Variants in ANKRD28 observed in about 807,000 individuals in gnomAD.
The protein encoded by ANKRD28 is serine/threonine-protein phosphatase 6 regulatory ankyrin repeat subunit A.
Under a neutral mutation model 126.5 loss-of-function variants are expected in ANKRD28, and 44 were observed. The ratio of observed to expected loss-of-function variants is 0.35; its 90% CI spans 0.27 to 0.45. The LOEUF is 0.45. Ranked by LOEUF, ANKRD28 falls within the 20% of genes least tolerant of loss-of-function variation. ANKRD28 has a pLI of 1.00. For missense variants in ANKRD28, 1,110 were observed against 1,316.6 expected (o/e 0.84, Z 2.43); for synonymous variants, 442 against 468.5 (o/e 0.94, Z 0.73).
intron 3 of ANKRD28, among the ~76,000 whole-genome samples, chr3:15,755,144 T>A (rs2058085797): frequency 6.6e-6 from 1 of 151,562 alleles, no homozygotes; most frequent in African/African-American, 2.4e-5. Context: ...AGAAAAAAAA[T>A]AATAAAAAAT....
intron 14 of ANKRD28, among the ~76,000 whole-genome samples, chr3:15,698,511 C>G (rs1482934827): frequency 2.6e-5 from 4 of 152,198 alleles, no homozygotes; most frequent in Non-Finnish European, 5.9e-5. Context: ...AGCTCAAAAT[C>G]TCCTTAAGCT....
chr3:15,742,785 G>A (rs1321193688), intron 4 of ANKRD28, among the ~76,000 whole-genome samples: 5 of 121,118 alleles, frequency 4.1e-5, no homozygotes, highest in East Asian at 5.6e-4. Flanking sequence ...CCAGCCACCC[G>A]GTCCGGGAGG....
At chr3:15,679,240 G>T in intron 23 of ANKRD28, 61 bp downstream of exon 23, 2 of 1,493,660 alleles carry the variant, frequency 1.3e-6, no homozygotes, top group Non-Finnish European at 1.9e-6. Context: ...AGATTGTTAG[G>T]ATTATAGGCA....
chr3:15,812,805 G>A lies in ANKRD28; in HGVS notation c.28-17499C>T, dbSNP rs538170846. Among the ~76,000 whole-genome samples the A allele has an allele frequency of 4.2e-4, 64 of 152,180 alleles. No individual in the cohort carries two copies. In the South Asian group the frequency reaches 0.013, roughly 32 times the overall value. On this transcript the variant is annotated intron_variant, in intron 1 of 27. Transcript: ENST00000399451. This position sits in a 1 kb window ranked among gnomAD's most constrained non-coding sequence, Gnocchi z 4.1. ...AGTCATTCTATGTACTTTTTTAAAA[G>A]GTGATCATGGGTAGGTAATCTAGAC...
chr3:15,721,196 A>T, intron 7 of ANKRD28, 69 bp from the exon 8 acceptor site: 2 of 1,358,248 alleles, frequency 1.5e-6, no homozygotes, highest in Non-Finnish European at 2.1e-6. Flanking sequence ...GAGCTATTTT[A>T]GCAACCTGTG....
chr3:15,842,737 A>C (rs116763467), intron 1 of ANKRD28, among the ~76,000 whole-genome samples: 15 of 152,268 alleles, frequency 9.9e-5, no homozygotes, highest in African/African-American at 3.4e-4. Context: ...AAAGCTAAAA[A>C]CAAAAATTTT....
upstream of ANKRD28, among the ~76,000 whole-genome samples, chr3:15,802,329 C>T (rs140253402): frequency 2.6e-5 from 4 of 152,230 alleles, no homozygotes; most frequent in African/African-American, 9.6e-5. Flanking sequence ...GAGGACTTTG[C>T]CAAACAGAAC....
At chr3:15,714,696 C>T in intron 8 of ANKRD28, 40 bp from the exon 9 acceptor site, 2 of 1,430,902 alleles carry the variant, frequency 1.4e-6, no homozygotes, top group East Asian at 4.7e-5. Context: ...CTACTATATC[C>T]ATAATGTGTA....
In ANKRD28 at chr3:15,724,470, T is replaced by C; in HGVS notation, c.695A>G (p.Lys232Arg). The C allele has an allele frequency of 6.3e-7, 1 of 1,596,194 alleles. No individual in the cohort carries two copies. Among genetic ancestry groups the C allele is most frequent in the Admixed American group, 1.7e-5 (1 of 57,500 alleles). ...LVSHGAEVTCKDKKSYTPLHA... is the reference protein window; with the variant it reads ...LVSHGAEVTCRDKKSYTPLHA... ...AAGAGGTGTATAAGACTTTTTATCC[T>C]TGCATGTCACTTCAGCTCCATGCGA... Residue 232 changes from lysine (K) to arginine (R), a missense_variant, in exon 7 of 28, where the codon AAG becomes AGG. Transcript: ENST00000683139.
intron 1 of ANKRD28, among the ~76,000 whole-genome samples, chr3:15,841,860 C>G (rs930719691): frequency 5.3e-5 from 8 of 152,050 alleles, no homozygotes; most frequent in Non-Finnish European, 1.2e-4. Context: ...CTAGGGAGAA[C>G]AGTTTGGAGG....
intron 13 of ANKRD28, among the ~76,000 whole-genome samples, chr3:15,709,370 T>C (rs928758510): frequency 6.6e-6 from 1 of 152,120 alleles, no homozygotes; most frequent in Non-Finnish European, 1.5e-5. Context: ...ATAGGTTCTA[T>C]GGGGCTTTAC....
intron 2 of ANKRD28, among the ~76,000 whole-genome samples, chr3:15,767,722 A>T (rs2058812238): frequency 1.1e-5 from 1 of 91,138 alleles, no homozygotes; most frequent in African/African-American, 3.1e-5. Flanking sequence ...AAAAAAAAAA[A>T]AAAAAAAAAA....
chr3:15,702,157 C>T (rs1251545340), intron 14 of ANKRD28, among the ~76,000 whole-genome samples: 1 of 152,146 alleles, frequency 6.6e-6, no homozygotes, highest in African/African-American at 2.4e-5. Flanking sequence ...AATGACTTTT[C>T]CCAAATCCTT....
intron 2 of ANKRD28, among the ~76,000 whole-genome samples, chr3:15,786,867 C>A (rs540059221): frequency 6.4e-4 from 98 of 152,112 alleles, no homozygotes; most frequent in African/African-American, 2.2e-3. Context: ...AACATATGCA[C>A]TAAAATTGCT....
chr3:15,853,899 T>C lies in ANKRD28; in HGVS notation c.27+5478A>G, dbSNP rs924222842. On this transcript the variant is annotated intron_variant, in intron 1 of 27. Transcript: ENST00000399451. This position sits in a 1 kb window ranked among gnomAD's most constrained non-coding sequence, Gnocchi z 4.2. ...TGTAGATACAAACAGGTCATTAATA[T>C]AGCTATGAGAAATATTTTAAGATAT... 5.3e-5 allele frequency among the ~76,000 whole-genome samples: 8 copies of C among 152,178 alleles called. No individual in the cohort carries two copies. Among genetic ancestry groups the C allele is most frequent in the African/African-American group, 1.4e-4 (6 of 41,444 alleles).
In ANKRD28 at chr3:15,846,103, T is replaced by C. The variant is rs530527710; in HGVS notation, c.27+13274A>G. ...ATGCCTTTCCAATAGTCTCCCAAAA[T>C]CTTAACTCGTCCCAGCGTTAACTCA... is the stretch of plus-strand genomic sequence containing the variant. On this transcript the variant is annotated intron_variant, in intron 1 of 27. Transcript: ENST00000399451. The surrounding 1 kb of genome is among the most constrained non-coding windows in gnomAD (Gnocchi z 5.4). Among the ~76,000 whole-genome samples, 1 of 152,244 alleles carries C rather than the reference T, an allele frequency of 6.6e-6. No individual in the cohort carries two copies. The highest frequency in any genetic ancestry group is 6.5e-5 in the Admixed American group (1 of 15,286).
At chr3:15,679,950 C>G (rs2067359821) in intron 21 of ANKRD28, among the ~76,000 whole-genome samples, 1 of 151,858 alleles carries the variant, frequency 6.6e-6, no homozygotes. Context: ...TATAAGTAAT[C>G]CAGAGATGAT....
chr3:15,827,636 C>G (rs951023749), intron 1 of ANKRD28, among the ~76,000 whole-genome samples: 3 of 152,114 alleles, frequency 2.0e-5, no homozygotes, highest in Non-Finnish European at 2.9e-5. Context: ...CTGTAAAACT[C>G]TTAGAAGAAA....
chr3:15,857,133 T>A (rs1213322151), intron 1 of ANKRD28, among the ~76,000 whole-genome samples: 1 of 152,216 alleles, frequency 6.6e-6, no homozygotes, highest in African/African-American at 2.4e-5. Flanking sequence ...ACATATAAGA[T>A]GCCCTCTAAA....
Sources: gnomAD v4.1 joint callset for allele counts (sites outside exome capture counted in the v4.1 genomes callset) on GRCh38, gnomAD v4.1.1 for gene constraint, Gnocchi (gnomAD v3.1) non-coding constraint, MANE v1.5 for transcripts, NCBI Gene and HGNC (gene_info 2026-07-23, HGNC 2026-07-21) for gene names.